Variants in ZNF676 observed in about 807,000 individuals in gnomAD.
ZNF676 encodes zinc finger protein 676.
ZNF676 carries 4 observed loss-of-function variants against 6.0 expected under a neutral mutation model. The ratio of observed to expected loss-of-function variants is 0.67; its 90% CI spans 0.33 to 1.53. ZNF676 has a LOEUF of 1.53. ZNF676 is among the 40% of genes most tolerant of loss of function. The probability of loss-of-function intolerance (pLI) is 0.06; values close to 1 mark genes in which losing one functional copy is unlikely to be tolerated. For missense variants in ZNF676, 644 were observed against 679.7 expected (o/e 0.95, Z 0.58); for synonymous variants, 198 against 223.1 (o/e 0.89, Z 1.00).
chr19:22,214,538 C>G (rs1483762459), intron 1 of ZNF676, among the ~76,000 whole-genome samples: 1 of 148,668 alleles, frequency 6.7e-6, no homozygotes, highest in African/African-American at 2.5e-5. Context: ...GGCGGAGAGT[C>G]CAGTTAGCCT....
the ZNF676 span, among the ~76,000 whole-genome samples, chr19:22,256,103 A>T: frequency 6.6e-6 from 1 of 152,160 alleles, no homozygotes; most frequent in Non-Finnish European, 1.5e-5. Context: ...CATAGGTGAG[A>T]GTGTGGTAAT....
chr19:22,215,064 C>CAAAAAAAAACAAAAA (rs60075524), intron 1 of ZNF676, among the ~76,000 whole-genome samples: 1 of 135,608 alleles, frequency 7.4e-6, no homozygotes, highest in Non-Finnish European at 1.6e-5. Context: ...AAAAAAACAA[C>CAAAAAAAAACAAAAA]AAAAAACCAG....
the ZNF676 span, among the ~76,000 whole-genome samples, chr19:22,257,232 T>C: frequency 6.6e-6 from 1 of 152,134 alleles, no homozygotes; most frequent in Non-Finnish European, 1.5e-5. Context: ...ACACATGACC[T>C]GGTTGCCAGA....
At chr19:22,202,331 G>A (rs2024034475) in intron 1 of ZNF676, among the ~76,000 whole-genome samples, 1 of 152,166 alleles carries the variant, frequency 6.6e-6, no homozygotes, top group South Asian at 2.1e-4. Context: ...GTAGAAATCT[G>A]TTCTAGCCTC....
chr19:22,240,699 A>G, the ZNF676 span, among the ~76,000 whole-genome samples: 1 of 151,998 alleles, frequency 6.6e-6, no homozygotes, highest in Admixed American at 6.5e-5. Flanking sequence ...AGACTGAGAC[A>G]GAAGAATTAC....
At chr19:22,222,321 G>A in the ZNF676 span, among the ~76,000 whole-genome samples, 16 of 152,144 alleles carry the variant, frequency 1.1e-4, no homozygotes, top group African/African-American at 3.9e-4. Context: ...GGCCAGGCTG[G>A]TTTCAAACTC....
At chr19:22,189,444 C>G (rs542950449) in intron 2 of ZNF676, among the ~76,000 whole-genome samples, 1 of 152,192 alleles carries the variant, frequency 6.6e-6, no homozygotes, top group South Asian at 2.1e-4. Context: ...GAATACTACT[C>G]AGGACACAAG....
chr19:22,254,357 A>G, the ZNF676 span, among the ~76,000 whole-genome samples: 1 of 152,172 alleles, frequency 6.6e-6, no homozygotes. Flanking sequence ...GGCAGGATGC[A>G]GGCAAAAGAA....
At chr19:22,209,423 C>G (rs1260665691) in intron 1 of ZNF676, among the ~76,000 whole-genome samples, 2 of 150,742 alleles carry the variant, frequency 1.3e-5, no homozygotes, top group African/African-American at 4.9e-5. Context: ...AAACCAAATG[C>G]ATGTTATTAT....
At chr19:22,195,280 G>A (rs969065199) in intron 1 of ZNF676, among the ~76,000 whole-genome samples, 11 of 152,128 alleles carry the variant, frequency 7.2e-5, no homozygotes, top group Non-Finnish European at 1.3e-4. Context: ...ATGGGCTTAT[G>A]GAAACAGGAG....
intron 1 of ZNF676, among the ~76,000 whole-genome samples, chr19:22,213,020 T>C (rs559242664): frequency 6.6e-6 from 1 of 152,032 alleles, no homozygotes; most frequent in African/African-American, 2.4e-5. Flanking sequence ...GAAAAAAAAC[T>C]AAGGTCAAAA....
chr19:22,194,637 C>A (rs777021899), intron 1 of ZNF676, among the ~76,000 whole-genome samples: 1 of 152,106 alleles, frequency 6.6e-6, no homozygotes, highest in Non-Finnish European at 1.5e-5. Context: ...ATTCTGTCCT[C>A]GCTGTAACAA....
chr19:22,188,569 T>C (rs564018486), intron 2 of ZNF676, among the ~76,000 whole-genome samples: 1 of 152,292 alleles, frequency 6.6e-6, no homozygotes, highest in South Asian at 2.1e-4. Context: ...GGAAGTCAAA[T>C]AGTCTCTATT....
chr19:22,209,059 G>A (rs750041584), intron 1 of ZNF676, among the ~76,000 whole-genome samples: 15 of 152,184 alleles, frequency 9.9e-5, no homozygotes, highest in Non-Finnish European at 2.1e-4. Flanking sequence ...GAAGTCAGGA[G>A]TTCAAGACCA....
intron 1 of ZNF676, among the ~76,000 whole-genome samples, chr19:22,212,679 T>C (rs1272446430): frequency 2.0e-5 from 3 of 151,924 alleles, no homozygotes; most frequent in Admixed American, 6.6e-5. Context: ...CACTCCAGCC[T>C]GGGCGACAGA....
chr19:22,246,600 A>G, the ZNF676 span, among the ~76,000 whole-genome samples: 5 of 152,218 alleles, frequency 3.3e-5, no homozygotes, highest in African/African-American at 1.2e-4. Context: ...GTATGAGAGA[A>G]GAGTCACATT....
the ZNF676 span, among the ~76,000 whole-genome samples, chr19:22,257,354 A>G: frequency 6.6e-6 from 1 of 152,150 alleles, no homozygotes; most frequent in Non-Finnish European, 1.5e-5. Flanking sequence ...TCAAGGTAAA[A>G]GTCTCTTATC....
At chr19:22,257,514 T>A in the ZNF676 span, among the ~76,000 whole-genome samples, 1 of 152,198 alleles carries the variant, frequency 6.6e-6, no homozygotes, top group Non-Finnish European at 1.5e-5. Context: ...GTGATTCACA[T>A]CACCTAGGTG....
Position 22,215,758 on chromosome 19 carries a change from G to A in ZNF676, c.-124C>T, listed in dbSNP as rs757838460. 13 of 1,277,334 alleles carry A rather than the reference G, an allele frequency of 1.0e-5. No individual in the cohort carries two copies. The Admixed American group carries it at 1.7e-4, about 17-fold the overall frequency. 79.1% of individuals were successfully genotyped at this position (1,277,334 alleles called of 1,614,324 possible). On this transcript the variant is annotated 5_prime_UTR_variant, in exon 1 of 4. Coordinates refer to the ZNF676 transcript ENST00000650058. ...CAAGGCCTTTACCTCCGGCTGCAGCGAGAGACAAAGGACCGACCACATCCC... is the reference window on the plus strand; with the variant it reads ...CAAGGCCTTTACCTCCGGCTGCAGCAAGAGACAAAGGACCGACCACATCCC...
Sources: gnomAD v4.1 joint callset for allele counts (sites outside exome capture counted in the v4.1 genomes callset) on GRCh38, gnomAD v4.1.1 for gene constraint, MANE v1.5 for transcripts, NCBI Gene and HGNC (gene_info 2026-07-23, HGNC 2026-07-21) for gene names.